Variants in ASTN2 observed in about 807,000 individuals in gnomAD.
ASTN2 encodes the protein astrotactin-2.
Under a neutral mutation model 139.8 loss-of-function variants are expected in ASTN2, and 54 were observed. The observed-to-expected ratio is 0.39, with a 90% confidence interval of 0.31 to 0.48. The LOEUF (loss-of-function observed/expected upper bound fraction) is 0.48, where lower values mean the gene tolerates loss of function less well. Among genes scored for constraint, ASTN2 ranks in the 20% least tolerant of loss-of-function variants. The probability of loss-of-function intolerance (pLI) is 0.95; values close to 1 mark genes in which losing one functional copy is unlikely to be tolerated. For synonymous variants in ASTN2, 756 were observed against 719.5 expected, an observed-to-expected ratio of 1.05 and a Z score of -0.81; for missense variants, 1,565 against 1,725.1, an observed-to-expected ratio of 0.91 and a Z score of 1.64.
At chr9:116,783,902 G>A (rs1426036308) in intron 13 of ASTN2, among the ~76,000 whole-genome samples, 1 of 152,146 alleles carries the variant, frequency 6.6e-6, no homozygotes, top group Non-Finnish European at 1.5e-5. Context: ...TGAGAACTTA[G>A]TTGTATAGAT....
intron 4 of ASTN2, among the ~76,000 whole-genome samples, chr9:117,128,592 T>G (rs2132832004): frequency 6.6e-6 from 1 of 152,088 alleles, no homozygotes; most frequent in Non-Finnish European, 1.5e-5. Context: ...AAGGAGTGGG[T>G]TTGTATCAGA....
intron 3 of ASTN2, among the ~76,000 whole-genome samples, chr9:117,154,813 T>C (rs896084289): frequency 2.6e-5 from 4 of 152,084 alleles, no homozygotes; most frequent in African/African-American, 7.2e-5. Context: ...TCAGTTGTCC[T>C]TTGTTTACTT....
chr9:116,869,927 G>A (rs2132350879), intron 10 of ASTN2, among the ~76,000 whole-genome samples: 1 of 150,326 alleles, frequency 6.7e-6, no homozygotes, highest in South Asian at 2.1e-4. Context: ...AACAGAGTGG[G>A]ATCCCATTTC....
chr9:116,765,126 C>T (rs1400772998), intron 13 of ASTN2, among the ~76,000 whole-genome samples: 1 of 152,138 alleles, frequency 6.6e-6, no homozygotes, highest in Admixed American at 6.5e-5. Flanking sequence ...TAGGGTAATT[C>T]AGCCCAAGAG....
intron 3 of ASTN2, among the ~76,000 whole-genome samples, chr9:117,200,255 C>A (rs552405160): frequency 6.8e-6 from 1 of 148,102 alleles, no homozygotes; most frequent in East Asian, 2.0e-4. Flanking sequence ...CAACAGTCCC[C>A]GGTGTGTGAT....
chr9:116,749,294 T>G (rs186410491), intron 13 of ASTN2, among the ~76,000 whole-genome samples: 1 of 152,174 alleles, frequency 6.6e-6, no homozygotes, highest in African/African-American at 2.4e-5. Context: ...TGATTAGGCA[T>G]AAGAAGGATG....
At chr9:116,809,458 C>T (rs1216021506) in intron 12 of ASTN2, among the ~76,000 whole-genome samples, 1 of 152,074 alleles carries the variant, frequency 6.6e-6, no homozygotes, top group Non-Finnish European at 1.5e-5. Context: ...TAATTCCAAG[C>T]TGTTTTAATT....
chr9:116,583,154 T>C (rs1854018053), intron 19 of ASTN2: 1 of 152,242 alleles, frequency 6.6e-6, no homozygotes, highest in Non-Finnish European at 1.5e-5. Context: ...TACATAGTCA[T>C]GCAGTTCTCC....
At chr9:117,003,229 G>C (rs1399081474) in intron 7 of ASTN2, among the ~76,000 whole-genome samples, 3 of 152,144 alleles carry the variant, frequency 2.0e-5, no homozygotes, top group Non-Finnish European at 1.5e-5. Context: ...GCAGAACACG[G>C]GTGGACTATT....
chr9:117,084,036 G>GAA (rs60435447), intron 5 of ASTN2, among the ~76,000 whole-genome samples: 5 of 120,908 alleles, frequency 4.1e-5, no homozygotes, highest in Non-Finnish European at 7.5e-5. Flanking sequence ...GGATCTTTAA[G>GAA]AAAAAAAAAA....
chr9:117,094,467 T>G lies in ASTN2; in HGVS notation c.1276+1577A>C, dbSNP rs138200423. 7.7e-3 allele frequency among the ~76,000 whole-genome samples: 1,170 copies of G among 152,296 alleles called. 12 individuals carry two copies. Among genetic ancestry groups the G allele is most frequent in the African/African-American group, 0.023 (947 of 41,570 alleles). On this transcript the variant is annotated intron_variant, in intron 5 of 22. Coordinates refer to ENST00000313400, the MANE Select transcript of ASTN2 (RefSeq NM_001365068.1). ...TGACTTCCCCAGCCCTAATTCTGAC[T>G]GCTGGATTGTGTGAGGGAGAAGACC...
intron 1 of ASTN2, among the ~76,000 whole-genome samples, chr9:117,321,347 G>A (rs1243802190): frequency 6.6e-6 from 1 of 152,118 alleles, no homozygotes; most frequent in Non-Finnish European, 1.5e-5. Context: ...TGGCTGCAGG[G>A]ATCAGTCTCA....
intron 17 of ASTN2, among the ~76,000 whole-genome samples, chr9:116,626,490 C>T (rs1417389005): frequency 6.6e-6 from 1 of 151,934 alleles, no homozygotes; most frequent in African/African-American, 2.4e-5. Context: ...GTTCTTCTAA[C>T]AAAAGAGATG....
intron 10 of ASTN2, among the ~76,000 whole-genome samples, chr9:116,908,740 C>G (rs1442771047): frequency 6.6e-6 from 1 of 152,204 alleles, no homozygotes; most frequent in Non-Finnish European, 1.5e-5. Context: ...GTTTGAGAAG[C>G]TGTGTATGCA....
At chr9:116,814,127 T>G (rs959872388) in intron 12 of ASTN2, among the ~76,000 whole-genome samples, 1 of 151,852 alleles carries the variant, frequency 6.6e-6, no homozygotes, top group East Asian at 1.9e-4. Context: ...TGGACCAACG[T>G]TAGGAATAAA....
intron 19 of ASTN2, among the ~76,000 whole-genome samples, chr9:116,577,052 C>T (rs1014339569): frequency 2.0e-5 from 3 of 152,172 alleles, no homozygotes; most frequent in Non-Finnish European, 4.4e-5. Context: ...TAACAACAAC[C>T]TTGTGAATAG....
intron 17 of ASTN2, among the ~76,000 whole-genome samples, chr9:116,639,390 T>C (rs941715629): frequency 6.6e-6 from 1 of 152,208 alleles, no homozygotes; most frequent in African/African-American, 2.4e-5. Flanking sequence ...TACAAACTCA[T>C]GCTGCTTTCA....
At chr9:117,407,811 A>G (rs1831038937) in intron 1 of ASTN2, among the ~76,000 whole-genome samples, 1 of 152,188 alleles carries the variant, frequency 6.6e-6, no homozygotes, top group African/African-American at 2.4e-5. Context: ...CATTGCAAGG[A>G]AAGAAAAACC....
At chr9:116,772,374 G>C (rs1232199963) in intron 13 of ASTN2, among the ~76,000 whole-genome samples, 4 of 152,160 alleles carry the variant, frequency 2.6e-5, no homozygotes, top group Non-Finnish European at 5.9e-5. Flanking sequence ...CTGCCACCAT[G>C]TAAGACGTGC....
Sources: allele counts gnomAD v4.1 joint callset (sites outside exome capture counted in the v4.1 genomes callset), GRCh38; gene constraint gnomAD v4.1.1; transcripts MANE v1.5; gene names NCBI Gene and HGNC (gene_info 2026-07-23, HGNC 2026-07-21).